Variants in KCNIP4 observed in about 807,000 individuals in gnomAD.
The protein encoded by KCNIP4 is potassium voltage-gated channel interacting protein 4, also known as Kv channel-interacting protein 4.
A neutral mutation model predicts 34.0 loss-of-function variants in KCNIP4; 12 were observed. The ratio of observed to expected loss-of-function variants is 0.35; its 90% CI spans 0.23 to 0.57. KCNIP4 has a LOEUF of 0.57. KCNIP4 is among the 20% of genes least tolerant of loss of function. The pLI is 0.83. For synonymous variants in KCNIP4, 124 were observed against 102.2 expected (o/e 1.21, Z -1.29); for missense variants, 238 against 311.7 (o/e 0.76, Z 1.78).
intron 1 of KCNIP4, among the ~76,000 whole-genome samples, chr4:20,887,697 G>A (rs1414855904): frequency 2.0e-5 from 3 of 151,900 alleles, no homozygotes; most frequent in Admixed American, 1.3e-4. Context: ...AATAAACCTG[G>A]GATAATTCAT....
chr4:20,883,110 C>T (rs1175413114), intron 1 of KCNIP4, among the ~76,000 whole-genome samples: 1 of 150,884 alleles, frequency 6.6e-6, no homozygotes, highest in Non-Finnish European at 1.5e-5. Flanking sequence ...GCGCTAAGGG[C>T]CCACATGACA....
intron 1 of KCNIP4, among the ~76,000 whole-genome samples, chr4:21,618,949 T>G (rs2109170527): frequency 6.6e-6 from 1 of 152,250 alleles, no homozygotes; most frequent in South Asian, 2.1e-4. Flanking sequence ...ATATATTTTC[T>G]ATATTATCTC....
Position 20,729,995 on chromosome 4 carries a change from C to CAATCT in KCNIP4, c.*82_*86dup, listed in dbSNP as rs1747563351. ...TAATATGCTTCAGTGTCAAGCTGAGCAATCTATGCTAAAAGTGGTAGCTCC... is the reference window on the plus strand; with the variant it reads ...TAATATGCTTCAGTGTCAAGCTGAGCAATCTAATCTATGCTAAAAGTGGTAGCTCC... On this transcript the variant is annotated 3_prime_UTR_variant, in exon 9 of 9. Transcript: ENST00000382152. The CAATCT allele has an allele frequency of 6.9e-7, 1 of 1,445,920 alleles. No individual in the cohort carries two copies. Among genetic ancestry groups the CAATCT allele is most frequent in the Non-Finnish European group, 9.3e-7 (1 of 1,079,972 alleles). 89.6% of individuals were successfully genotyped at this position (1,445,920 alleles called of 1,614,324 possible).
chr4:20,772,506 G>A (rs1177736634), intron 3 of KCNIP4, among the ~76,000 whole-genome samples: 1 of 152,164 alleles, frequency 6.6e-6, no homozygotes, highest in Non-Finnish European at 1.5e-5. Context: ...AATGTCCCAG[G>A]TGAGGGGTTG....
intron 1 of KCNIP4, among the ~76,000 whole-genome samples, chr4:21,388,745 T>C (rs1253305934): frequency 6.6e-6 from 1 of 152,178 alleles, no homozygotes; most frequent in African/African-American, 2.4e-5. Flanking sequence ...ATATTTCATT[T>C]AATTAAAATT....
At chr4:21,027,277 A>G (rs1218410459) in intron 1 of KCNIP4, among the ~76,000 whole-genome samples, 1 of 152,164 alleles carries the variant, frequency 6.6e-6, no homozygotes, top group Non-Finnish European at 1.5e-5. Flanking sequence ...CGTATTTATT[A>G]TGGATTGTCT....
At chr4:21,495,779 T>C (rs1732799893) in intron 1 of KCNIP4, among the ~76,000 whole-genome samples, 1 of 152,118 alleles carries the variant, frequency 6.6e-6, no homozygotes, top group Non-Finnish European at 1.5e-5. Flanking sequence ...CTACACAGAG[T>C]AAGACAGAGT....
intron 3 of KCNIP4, among the ~76,000 whole-genome samples, chr4:20,802,165 C>CAA (rs1560475340): frequency 2.4e-5 from 3 of 122,908 alleles, no homozygotes; most frequent in African/African-American, 8.9e-5. Context: ...TATATATATG[C>CAA]TATATATGCT....
intron 1 of KCNIP4, among the ~76,000 whole-genome samples, chr4:21,289,661 C>T (rs1243158348): frequency 6.6e-6 from 1 of 152,188 alleles, no homozygotes; most frequent in Non-Finnish European, 1.5e-5. Flanking sequence ...AATCTTTGCA[C>T]TGGTCTTAAA....
intron 1 of KCNIP4, among the ~76,000 whole-genome samples, chr4:21,253,019 C>G (rs1760826644): frequency 6.6e-6 from 1 of 152,142 alleles, no homozygotes; most frequent in Admixed American, 6.5e-5. Context: ...GCACTTTGAA[C>G]TTCTCAGAAG....
chr4:21,935,380 C>T (rs1028089971), intron 1 of KCNIP4, among the ~76,000 whole-genome samples: 1 of 152,074 alleles, frequency 6.6e-6, no homozygotes, highest in Non-Finnish European at 1.5e-5. Context: ...CTACCCACTA[C>T]ATAAAATCCA....
chr4:20,731,947 A>G (rs906223400), intron 8 of KCNIP4, 59 bp downstream of exon 8: 123 of 1,603,940 alleles, frequency 7.7e-5, no homozygotes, highest in Non-Finnish European at 9.0e-5. Flanking sequence ...CTAGCTGCTA[A>G]TACTCAGTTT....
chr4:20,967,022 T>G (rs1734418507), intron 1 of KCNIP4, among the ~76,000 whole-genome samples: 1 of 152,162 alleles, frequency 6.6e-6, no homozygotes, highest in Non-Finnish European at 1.5e-5. Context: ...GACCTGTGTA[T>G]CTTCAAAGCT....
chr4:20,744,536 A>G (rs915450196), intron 5 of KCNIP4, among the ~76,000 whole-genome samples: 1 of 151,624 alleles, frequency 6.6e-6, no homozygotes, highest in Non-Finnish European at 1.5e-5. Context: ...CAAACACCGC[A>G]TGTTCTCACT....
chr4:21,103,428 T>A (rs1231674435), intron 1 of KCNIP4, among the ~76,000 whole-genome samples: 1 of 148,088 alleles, frequency 6.8e-6, no homozygotes, highest in Non-Finnish European at 1.5e-5. Flanking sequence ...GCTGACTTTA[T>A]CATTAGTTGA....
intron 1 of KCNIP4, among the ~76,000 whole-genome samples, chr4:20,973,316 C>T (rs977230027): frequency 1.3e-5 from 2 of 152,178 alleles, no homozygotes; most frequent in African/African-American, 2.4e-5. Context: ...TTCCTTAAAC[C>T]TCATGAGCCA....
intron 5 of KCNIP4, among the ~76,000 whole-genome samples, chr4:20,744,484 G>A (rs971062348): frequency 4.6e-5 from 7 of 152,078 alleles, no homozygotes; most frequent in African/African-American, 1.7e-4. Context: ...GGATGAAGCT[G>A]GAAACCATCA....
chr4:21,900,931 G>T (rs1248378870), intron 1 of KCNIP4, among the ~76,000 whole-genome samples: 2 of 152,156 alleles, frequency 1.3e-5, no homozygotes, highest in African/African-American at 4.8e-5. Flanking sequence ...TGTTCAACAT[G>T]CAGGCTACTT....
intron 5 of KCNIP4, among the ~76,000 whole-genome samples, chr4:20,744,216 C>A (rs1438491324): frequency 6.6e-6 from 1 of 152,162 alleles, no homozygotes; most frequent in East Asian, 1.9e-4. Context: ...CCTCAAGGAG[C>A]TAGAACTAGA....
Sources: gnomAD v4.1 joint callset for allele counts (sites outside exome capture counted in the v4.1 genomes callset) on GRCh38, gnomAD v4.1.1 for gene constraint, MANE v1.5 for transcripts, NCBI Gene and HGNC (gene_info 2026-07-23, HGNC 2026-07-21) for gene names.